Variants in GPHN observed in about 807,000 individuals in gnomAD.
GPHN encodes the protein gephyrin.
In GPHN, 17 loss-of-function variants were observed where a neutral mutation model predicts 95.5. The ratio of observed to expected loss-of-function variants is 0.18; its 90% CI spans 0.12 to 0.27. The LOEUF (loss-of-function observed/expected upper bound fraction) is 0.27, where lower values mean the gene tolerates loss of function less well. Among genes scored for constraint, GPHN ranks in the 10% least tolerant of loss-of-function variants. The pLI is 1.00. For synonymous variants in GPHN, 320 were observed against 322.5 expected (o/e 0.99, Z 0.08); for missense variants, 660 against 978.1 (o/e 0.67, Z 4.34).
chr14:67,663,033 C>T, the GPHN span: 8 of 1,415,032 alleles, frequency 5.7e-6, no homozygotes, highest in South Asian at 1.3e-4. Context: ...ACCTACTCGG[C>T]TTGCTGAGAG....
intron 18 of GPHN, among the ~76,000 whole-genome samples, chr14:67,159,064 GC>G (rs1470290772): frequency 1.3e-5 from 2 of 152,038 alleles, no homozygotes; most frequent in African/African-American, 4.8e-5. Context: ...AAACAATAAC[GC>G]ACCAGCTAAT....
chr14:66,976,017 A>G (rs896517582), intron 9 of GPHN, among the ~76,000 whole-genome samples: 1 of 152,220 alleles, frequency 6.6e-6, no homozygotes, highest in African/African-American at 2.4e-5. Flanking sequence ...CAACTAAAAA[A>G]TATTTTTAAG....
chr14:67,156,264 T>C lies in GPHN; in HGVS notation c.1837-3151T>C, dbSNP rs1412475223. ...TATCAAGTATATATTGTCAACATAG[T>C]ATATGTAGAAAATATATACAATAAA... On this transcript the variant is annotated intron_variant, in intron 18 of 22. Coordinates refer to ENST00000478722, the MANE Select transcript of GPHN (RefSeq NM_020806.5). 2.0e-5 allele frequency among the ~76,000 whole-genome samples: 3 copies of C among 152,224 alleles called. No homozygotes were observed. In the East Asian group the frequency reaches 5.8e-4, roughly 29 times the overall value.
chr14:66,583,782 A>T (rs1434811019), intron 1 of GPHN, among the ~76,000 whole-genome samples: 1 of 152,092 alleles, frequency 6.6e-6, no homozygotes, highest in African/African-American at 2.4e-5. Context: ...TGTTTTGGTT[A>T]CTGTGTCCTT....
the GPHN span, among the ~76,000 whole-genome samples, chr14:67,705,414 A>G: frequency 6.6e-6 from 1 of 152,252 alleles, no homozygotes; most frequent in African/African-American, 2.4e-5. Context: ...ATAAGATTTG[A>G]GAGACTCATC....
At chr14:66,584,019 C>T (rs2061319091) in intron 1 of GPHN, among the ~76,000 whole-genome samples, 2 of 152,164 alleles carry the variant, frequency 1.3e-5, no homozygotes, top group Non-Finnish European at 2.9e-5. Flanking sequence ...TACCCATGAG[C>T]ATGGAATGTT....
the GPHN span, chr14:67,575,705 C>T: frequency 2.5e-6 from 2 of 798,432 alleles, no homozygotes; most frequent in Non-Finnish European, 4.1e-6. Flanking sequence ...TCCACCTCCC[C>T]ATCCTGTCAT....
chr14:67,395,256 C>A, the GPHN span: 179 of 657,980 alleles, frequency 2.7e-4, no homozygotes, highest in East Asian at 4.7e-3. Context: ...ATACACAGGA[C>A]AGGAACAGCT....
intron 2 of GPHN, among the ~76,000 whole-genome samples, chr14:66,717,663 A>G (rs1445831939): frequency 1.3e-5 from 2 of 152,142 alleles, no homozygotes; most frequent in South Asian, 2.1e-4. Flanking sequence ...CTAGGGCTGA[A>G]GTCTGTTATT....
intron 2 of GPHN, among the ~76,000 whole-genome samples, chr14:66,725,371 T>C (rs1424090302): frequency 1.3e-5 from 2 of 152,356 alleles, no homozygotes; most frequent in East Asian, 3.9e-4. Context: ...AATCTTTTTT[T>C]CCCTTCATAT....
chr14:67,293,256 GTGTT>G, the GPHN span, among the ~76,000 whole-genome samples: 1 of 152,178 alleles, frequency 6.6e-6, no homozygotes, highest in African/African-American at 2.4e-5. Flanking sequence ...CTGGTGTTCA[GTGTT>G]TGATCTGTTA....
intron 10 of GPHN, among the ~76,000 whole-genome samples, chr14:67,032,997 A>G (rs951225066): frequency 6.6e-5 from 10 of 152,208 alleles, no homozygotes; most frequent in African/African-American, 2.2e-4. Flanking sequence ...TCACTGATCT[A>G]AGAGAGAACA....
At chr14:67,575,741 T>C in the GPHN span, 4 of 1,040,844 alleles carry the variant, frequency 3.8e-6, no homozygotes, top group Non-Finnish European at 5.7e-6. Context: ...ATTCCCAGCT[T>C]CACGGAGCCT....
chr14:67,246,546 G>A, the GPHN span, among the ~76,000 whole-genome samples: 1 of 151,548 alleles, frequency 6.6e-6, no homozygotes, highest in African/African-American at 2.4e-5. Flanking sequence ...TCCCTATATT[G>A]CCCAAGCTGG....
the GPHN span, chr14:67,304,118 A>T: frequency 6.5e-6 from 1 of 153,634 alleles, no homozygotes; most frequent in Non-Finnish European, 1.4e-5. Context: ...CAGTTTCAGA[A>T]TTTTTTTTAT....
chr14:67,707,775 A>G, the GPHN span, among the ~76,000 whole-genome samples: 1 of 152,222 alleles, frequency 6.6e-6, no homozygotes, highest in Non-Finnish European at 1.5e-5. Flanking sequence ...ATACCTATGA[A>G]TTGAGTTAAC....
the GPHN span, among the ~76,000 whole-genome samples, chr14:67,507,078 T>G: frequency 2.8e-4 from 43 of 152,278 alleles, no homozygotes; most frequent in East Asian, 6.6e-3. Flanking sequence ...AAAGAAGACG[T>G]GGTCCCTGAG....
chr14:66,726,713 A>T (rs2071273891), intron 2 of GPHN, among the ~76,000 whole-genome samples: 1 of 152,242 alleles, frequency 6.6e-6, no homozygotes, highest in African/African-American at 2.4e-5. Flanking sequence ...CAATTTAAAG[A>T]TACACAGATT....
At chr14:67,201,435 C>G in the GPHN span, 1 of 456,078 alleles carries the variant, frequency 2.2e-6, no homozygotes, top group African/African-American at 2.0e-5. Flanking sequence ...TTCAAGCCAG[C>G]TCCCCTCAGG....
Sources: allele counts gnomAD v4.1 joint callset (sites outside exome capture counted in the v4.1 genomes callset), GRCh38; gene constraint gnomAD v4.1.1; transcripts MANE v1.5; gene names NCBI Gene and HGNC (gene_info 2026-07-23, HGNC 2026-07-21).